Variants in SYMPK observed in about 807,000 individuals in gnomAD.
SYMPK encodes symplekin.
In SYMPK, 49 loss-of-function variants were observed where a neutral mutation model predicts 136.4. The observed-to-expected ratio is 0.36, with a 90% CI of 0.29 to 0.46. SYMPK has a LOEUF of 0.46. Ranked by LOEUF, SYMPK falls within the 20% of genes least tolerant of loss-of-function variation. The pLI is 1.00. For missense variants in SYMPK, 1,365 were observed against 1,690.0 expected, an observed-to-expected ratio of 0.81 and a Z score of 3.37; for synonymous variants, 766 against 713.0, an observed-to-expected ratio of 1.07 and a Z score of -1.19.
At chr19:45,854,816 G>T in intron 1 of SYMPK, 1 of 382,930 alleles carries the variant, frequency 2.6e-6, no homozygotes, top group South Asian at 2.8e-5. Flanking sequence ...CACCTTGCAG[G>T]TCTCCGTGTG....
chr19:45,822,066 T>C (rs927732249), intron 21 of SYMPK, among the ~76,000 whole-genome samples: 1 of 151,598 alleles, frequency 6.6e-6, no homozygotes, highest in Non-Finnish European at 1.5e-5. Context: ...ACCACTGGGG[T>C]AAGGGTGAAC....
chr19:45,853,309 T>C (rs1389689215), intron 3 of SYMPK, among the ~76,000 whole-genome samples: 1 of 152,216 alleles, frequency 6.6e-6, no homozygotes, highest in Non-Finnish European at 1.5e-5. Flanking sequence ...GTCTTCTGCC[T>C]TTGCACACAC....
In SYMPK at chr19:45,829,117, C is replaced by T. The variant is rs376599373; in HGVS notation, c.1838G>A (p.Arg613Gln). 1.2e-6 allele frequency: 2 copies of T among 1,614,198 alleles called. No homozygotes were observed. The highest frequency in any genetic ancestry group is 8.5e-7 in the Non-Finnish European group (1 of 1,180,042). The change falls in exon 14 of 27, where the codon CGG (arginine) becomes CAG (glutamine). Residue 613 changes from arginine (R) to glutamine (Q), a missense_variant. Around this residue, in one of 11 missense-constraint regions of SYMPK, gnomAD observed 303 missense variants for 326.6 expected, o/e 0.93. Coordinates refer to ENST00000245934, the MANE Select transcript of SYMPK (RefSeq NM_004819.3). The stretch of plus-strand genomic sequence containing the variant: ...GGCGAAGGCCAGGTCCAGGCGGGCC[C>T]GCACATCCTCCAGGATGAAGGACAG... ...EVLSFILEDV[R>Q]ARLDLAFAWL...
chr19:45,832,110 T>C (rs781321711), intron 11 of SYMPK, among the ~76,000 whole-genome samples: 7 of 152,222 alleles, frequency 4.6e-5, no homozygotes, highest in Non-Finnish European at 1.0e-4. Flanking sequence ...TCCAAAGTGC[T>C]GGGATTACAG....
rs1972016384 is a variant in SYMPK, at chr19:45,863,131, G to GCCGCCA, written c.-87_-86insTGGCGG. ...CCTACACTCCGCCGCCGCCGCCGCC[G>GCCGCCA]CCATCTTCCGTTCGTCGCCGGGAAC... On this transcript the variant is annotated 5_prime_UTR_variant, in exon 1 of 27. Transcript: ENST00000245934. 4.9e-6 allele frequency: 2 copies of GCCGCCA among 405,288 alleles called. No individual in the cohort carries two copies. The highest frequency in any genetic ancestry group is 4.1e-5 in the African/African-American group (2 of 48,668). 25.1% of individuals were successfully genotyped at this position (405,288 alleles called of 1,614,324 possible).
intron 19 of SYMPK, 39 bp downstream of exon 19, chr19:45,823,728 G>C (rs1182596552): frequency 6.4e-7 from 1 of 1,566,602 alleles, no homozygotes. Flanking sequence ...GCTAAGGAGA[G>C]GGAGGAAAGC....
intron 7 of SYMPK, among the ~76,000 whole-genome samples, chr19:45,847,168 C>T (rs994168418): frequency 2.6e-5 from 4 of 151,992 alleles, no homozygotes; most frequent in Non-Finnish European, 2.9e-5. Flanking sequence ...CCCGTAATCC[C>T]AGCACTTTGG....
At chr19:45,852,187 A>G (rs1188106011) in intron 5 of SYMPK, 125 bp downstream of exon 5, 3 of 955,352 alleles carry the variant, frequency 3.1e-6, no homozygotes, top group African/African-American at 3.2e-5. Context: ...ATCAGTGTGT[A>G]TGAGAGAGAG....
chr19:45,862,663 G>A (rs1482529297), intron 1 of SYMPK: 1 of 169,944 alleles, frequency 5.9e-6, no homozygotes, highest in Non-Finnish European at 1.2e-5. Context: ...TTGGTGCCGA[G>A]ACCCGAAGGA....
rs1970911106 is a variant in SYMPK, at chr19:45,821,945, G to A, written c.2792-460C>T. ...TGGGGGAGTGGAGGGGAGGCTGGTG[G>A]AGTGGCTCTTTGCTGCTGCTATTTT... On this transcript the variant is annotated intron_variant, in intron 21 of 26. Transcript: ENST00000245934. The surrounding 1 kb of genome is among the most constrained non-coding windows in gnomAD (Gnocchi z 4.4). Among the ~76,000 whole-genome samples, 2 of 152,158 alleles carry A rather than the reference G, an allele frequency of 1.3e-5. No homozygotes were observed. The highest frequency in any genetic ancestry group is 4.8e-5 in the African/African-American group (2 of 41,430).
chr19:45,831,307 G>C, intron 12 of SYMPK, 77 bp downstream of exon 12: 1 of 1,208,212 alleles, frequency 8.3e-7, no homozygotes, highest in Non-Finnish European at 1.1e-6. Flanking sequence ...ACACGCACAC[G>C]CACACGCACA....
At chr19:45,823,960 C>T (rs1970973307) in intron 18 of SYMPK, 85 bp from the exon 19 acceptor site, 1 of 997,498 alleles carries the variant, frequency 1.0e-6, no homozygotes, top group African/African-American at 1.6e-5. Context: ...GCTTGCGGGG[C>T]ATGCTGGCGC....
intron 5 of SYMPK, among the ~76,000 whole-genome samples, chr19:45,849,994 G>A (rs1158389306): frequency 1.3e-5 from 2 of 152,012 alleles, no homozygotes; most frequent in African/African-American, 2.4e-5. Flanking sequence ...GCAGTTAGCC[G>A]AGATCGCACC....
intron 14 of SYMPK, 196 bp from the exon 15 acceptor site, chr19:45,828,114 C>T: frequency 3.5e-6 from 2 of 564,784 alleles, no homozygotes; most frequent in Non-Finnish European, 6.4e-6. Flanking sequence ...GCAGAGACTG[C>T]ACCTCTCTGA....
chr19:45,854,072 G>C (rs948959649), intron 3 of SYMPK, 103 bp downstream of exon 3: 4 of 1,085,868 alleles, frequency 3.7e-6, no homozygotes, highest in Non-Finnish European at 5.7e-6. Context: ...GGCACACACT[G>C]AGTGTGTAAA....
chr19:45,838,844 G>A (rs943676762), intron 9 of SYMPK, among the ~76,000 whole-genome samples: 2 of 152,194 alleles, frequency 1.3e-5, no homozygotes, highest in Non-Finnish European at 2.9e-5. Context: ...GGAAATGGGA[G>A]TAAGCCACAC....
Position 45,829,158 on chromosome 19 carries a change from G to T in SYMPK, c.1797C>A (p.Gly599=), listed in dbSNP as rs1348758390. ...LASLVTQFNS[G]LKAEVLSFIL... ...TGAAGGACAGGACCTCCGCCTTCAG[G>T]CCCGAGTTGAACTGTGTCACCAGGC... Residue 599 remains glycine, a synonymous_variant, in exon 14 of 27, where the codon GGC becomes GGA. Transcript: ENST00000245934. 6.2e-7 allele frequency: 1 copy of T among 1,614,200 alleles called. No individual in the cohort carries two copies. The highest frequency in any genetic ancestry group is 8.5e-7 in the Non-Finnish European group (1 of 1,180,052).
chr19:45,817,417 C>CTTTTTTT (rs559430104), intron 23 of SYMPK, among the ~76,000 whole-genome samples: 11 of 108,478 alleles, frequency 1.0e-4, no homozygotes, highest in African/African-American at 2.8e-4. Flanking sequence ...TTTTTGTTCT[C>CTTTTTTT]TTTTTTTTTT....
At chr19:45,854,591 A>C in intron 1 of SYMPK, 84 bp from the exon 2 acceptor site, 2 of 1,092,810 alleles carry the variant, frequency 1.8e-6, no homozygotes, top group Non-Finnish European at 2.7e-6. Flanking sequence ...AACACCTACA[A>C]AGGGCCCAAG....
Sources: allele counts gnomAD v4.1 joint callset (sites outside exome capture counted in the v4.1 genomes callset), GRCh38; gene constraint gnomAD v4.1.1; regional missense constraint gnomAD v4.1.1; non-coding constraint Gnocchi (gnomAD v3.1); transcripts MANE v1.5; gene names NCBI Gene and HGNC (gene_info 2026-07-23, HGNC 2026-07-21).